Variants in GBE1 observed in about 807,000 individuals in gnomAD.
The protein encoded by GBE1 is 1,4-alpha-glucan branching enzyme 1, also known as 1,4-alpha-glucan-branching enzyme.
Under a neutral mutation model 88.8 loss-of-function variants are expected in GBE1, and 70 were observed. The ratio of observed to expected loss-of-function variants is 0.79; its 90% confidence interval spans 0.65 to 0.96. The LOEUF (loss-of-function observed/expected upper bound fraction) is 0.96, where lower values mean the gene tolerates loss of function less well. Ranked by LOEUF, GBE1 falls within the 40% of genes least tolerant of loss-of-function variation. The probability of loss-of-function intolerance (pLI) is 0.00; values close to 1 mark genes in which losing one functional copy is unlikely to be tolerated. For synonymous variants in GBE1, 284 were observed against 300.1 expected, an observed-to-expected ratio of 0.95 and a Z score of 0.56; for missense variants, 872 against 871.0, an observed-to-expected ratio of 1.00 and a Z score of -0.01.
At chr3:81,715,421 T>A (rs2107182541) in intron 1 of GBE1, among the ~76,000 whole-genome samples, 1 of 152,342 alleles carries the variant, frequency 6.6e-6, no homozygotes, top group East Asian at 1.9e-4. Flanking sequence ...AAAAGTGAGT[T>A]GCAGACAGTT....
chr3:81,760,068 TAA>T (rs1354951623), intron 1 of GBE1, among the ~76,000 whole-genome samples: 2 of 152,228 alleles, frequency 1.3e-5, no homozygotes, highest in Non-Finnish European at 2.9e-5. Flanking sequence ...GATTATGCAC[TAA>T]GTTTCTCTGA....
chr3:81,648,286 C>A (rs1340456230), intron 5 of GBE1, among the ~76,000 whole-genome samples: 1 of 152,092 alleles, frequency 6.6e-6, no homozygotes. Flanking sequence ...TTAAAGCACA[C>A]TGAATCAATA....
At chr3:81,567,129 C>T (rs1223063533) in intron 12 of GBE1, among the ~76,000 whole-genome samples, 5 of 152,200 alleles carry the variant, frequency 3.3e-5, no homozygotes, top group Non-Finnish European at 1.5e-5. Flanking sequence ...CAGAATCAGT[C>T]TCGTCTAGTT....
intron 15 of GBE1, among the ~76,000 whole-genome samples, chr3:81,490,699 C>A (rs569749857): frequency 1.8e-4 from 28 of 152,130 alleles, no homozygotes; most frequent in Middle Eastern, 3.4e-3. Context: ...AAAACCAATG[C>A]TCCTTACACA....
chr3:81,581,526 T>A (rs1350015199), intron 10 of GBE1, among the ~76,000 whole-genome samples: 1 of 151,982 alleles, frequency 6.6e-6, no homozygotes, highest in African/African-American at 2.4e-5. Flanking sequence ...GCAGACAGTT[T>A]AATCATTATA....
chr3:81,716,741 A>T (rs913317508), intron 1 of GBE1, among the ~76,000 whole-genome samples: 6 of 152,242 alleles, frequency 3.9e-5, no homozygotes, highest in Admixed American at 3.9e-4. Context: ...AATAAATTTA[A>T]CAAAATATAG....
At chr3:81,634,493 T>A (rs1455606047) in intron 7 of GBE1, among the ~76,000 whole-genome samples, 3 of 152,182 alleles carry the variant, frequency 2.0e-5, no homozygotes, top group Admixed American at 1.3e-4. Context: ...GGAAACATCT[T>A]GTGTGGCTTT....
intron 10 of GBE1, among the ~76,000 whole-genome samples, chr3:81,585,143 T>C (rs540312875): frequency 6.6e-6 from 1 of 152,236 alleles, no homozygotes; most frequent in South Asian, 2.1e-4. Flanking sequence ...GACCTGATAA[T>C]GTTTAAGGAA....
intron 6 of GBE1, 82 bp downstream of exon 6, chr3:81,646,310 T>C (rs1704762427): frequency 4.4e-6 from 4 of 900,452 alleles, no homozygotes; most frequent in Admixed American, 4.4e-5. Context: ...TACACGATGT[T>C]ATAAAAAATG....
At chr3:81,738,526 G>GT (rs145428166) in intron 1 of GBE1, among the ~76,000 whole-genome samples, 3,648 of 146,932 alleles carry the variant, frequency 0.025, 161 homozygotes, top group African/African-American at 0.085. Flanking sequence ...AAAAATGTGT[G>GT]TTTTTTTTTT....
intron 11 of GBE1, among the ~76,000 whole-genome samples, chr3:81,578,519 ATAT>A (rs768085982): frequency 1.3e-4 from 19 of 150,992 alleles, no homozygotes; most frequent in Non-Finnish European, 2.5e-4. Flanking sequence ...TAATATATAT[ATAT>A]TATTTTGCTC....
In GBE1 at chr3:81,697,323, G is replaced by A. The variant is rs1393386034; in HGVS notation, c.313+8121C>T. ...CATCTTTTTTTTTTTTTTTTGAGGC[G>A]GAGTCTCGCTCTGTCATCCAGGCTG... is the stretch of plus-strand genomic sequence containing the variant. On this transcript the variant is annotated intron_variant, in intron 2 of 15. Coordinates refer to ENST00000429644, the MANE Select transcript of GBE1 (RefSeq NM_000158.4). 5.4e-5 allele frequency among the ~76,000 whole-genome samples: 8 copies of A among 148,414 alleles called. No individual in the cohort carries two copies. The East Asian group carries it at 5.9e-4, about 11-fold the overall frequency.
chr3:81,508,968 T>C (rs1049165314), intron 14 of GBE1, among the ~76,000 whole-genome samples: 14 of 152,046 alleles, frequency 9.2e-5, no homozygotes, highest in Non-Finnish European at 2.1e-4. Context: ...AAGCAATCTA[T>C]TACTGAGTGC....
intron 8 of GBE1, among the ~76,000 whole-genome samples, chr3:81,592,078 G>A (rs1253425867): frequency 1.3e-5 from 2 of 151,984 alleles, no homozygotes; most frequent in Non-Finnish European, 2.9e-5. Flanking sequence ...GGCATACATT[G>A]TGTACTGATT....
chr3:81,513,721 C>A (rs1414907677), intron 14 of GBE1, among the ~76,000 whole-genome samples: 1 of 151,632 alleles, frequency 6.6e-6, no homozygotes, highest in Non-Finnish European at 1.5e-5. Context: ...ATGTCCATTA[C>A]CCTTACTACT....
intron 15 of GBE1, among the ~76,000 whole-genome samples, chr3:81,494,035 A>G (rs191212301): frequency 1.8e-3 from 269 of 152,048 alleles, no homozygotes; most frequent in Admixed American, 2.4e-3. Flanking sequence ...TAAAAAAAAA[A>G]CCCTTTGGTT....
chr3:81,588,486 A>T (rs1703830269), intron 9 of GBE1, among the ~76,000 whole-genome samples: 1 of 152,174 alleles, frequency 6.6e-6, no homozygotes, highest in African/African-American at 2.4e-5. Context: ...ATCCAGTCCC[A>T]ATGTTGTTTT....
intron 1 of GBE1, among the ~76,000 whole-genome samples, chr3:81,740,044 G>A (rs1455268125): frequency 6.6e-6 from 1 of 151,984 alleles, no homozygotes; most frequent in East Asian, 1.9e-4. Flanking sequence ...GAGCAGCATA[G>A]CAAGACCCCA....
chr3:81,625,911 GA>G (rs1397188698), intron 7 of GBE1, among the ~76,000 whole-genome samples: 1 of 152,202 alleles, frequency 6.6e-6, no homozygotes, highest in African/African-American at 2.4e-5. Context: ...GGCTGATGAG[GA>G]AAAGGTGAAA....
Sources: allele counts gnomAD v4.1 joint callset (sites outside exome capture counted in the v4.1 genomes callset), GRCh38; gene constraint gnomAD v4.1.1; transcripts MANE v1.5; gene names NCBI Gene and HGNC (gene_info 2026-07-23, HGNC 2026-07-21).